SLC16A4: variants seen among roughly 807,000 people sequenced by gnomAD.
SLC16A4 encodes solute carrier family 16 member 4.
SLC16A4 carries 39 observed loss-of-function variants against 47.9 expected under a neutral mutation model. The observed-to-expected ratio is 0.81, with a 90% CI of 0.63 to 1.06. The LOEUF (loss-of-function observed/expected upper bound fraction) is 1.06, where lower values mean the gene tolerates loss of function less well. Among genes scored for constraint, SLC16A4 ranks in the 50% least tolerant of loss-of-function variants. The pLI, the probability that SLC16A4 is intolerant of heterozygous loss-of-function variation, is 0.00. For missense variants in SLC16A4, 524 were observed against 573.8 expected, an observed-to-expected ratio of 0.91 and a Z score of 0.89; for synonymous variants, 189 against 199.9, an observed-to-expected ratio of 0.95 and a Z score of 0.46.
intron 8 of SLC16A4, among the ~76,000 whole-genome samples, chr1:110,366,220 C>T (rs1661385500): frequency 2.0e-5 from 3 of 151,884 alleles, no homozygotes. Flanking sequence ...GTGAGTTGCG[C>T]AATCTCGGCT....
At chr1:110,385,955 A>G (rs1028691132) in intron 2 of SLC16A4, among the ~76,000 whole-genome samples, 13 of 152,326 alleles carry the variant, frequency 8.5e-5, no homozygotes, top group African/African-American at 3.1e-4. Context: ...TCAGTTCATA[A>G]TAATGTGATG....
At chr1:110,386,271 T>C (rs1662728625) in intron 2 of SLC16A4, among the ~76,000 whole-genome samples, 1 of 152,242 alleles carries the variant, frequency 6.6e-6, no homozygotes, top group South Asian at 2.1e-4. Context: ...TCCCGTCCCT[T>C]AACTTGAAGT....
chr1:110,377,866 G>A (rs959308526), intron 6 of SLC16A4, among the ~76,000 whole-genome samples: 3 of 152,126 alleles, frequency 2.0e-5, no homozygotes, highest in Non-Finnish European at 2.9e-5. Flanking sequence ...GTCACGCTCC[G>A]TCACCCAGGC....
chr1:110,365,956 C>A (rs1337807873), intron 8 of SLC16A4, among the ~76,000 whole-genome samples: 2 of 151,944 alleles, frequency 1.3e-5, no homozygotes, highest in African/African-American at 4.8e-5. Context: ...CTTTTCTTTT[C>A]TTTTTTTAAA....
At position 110,363,981 on chromosome 1, in the gene SLC16A4, T is replaced by G. The variant is rs1208210408; in HGVS notation, c.1337-88A>C. Reference sequence around the variant, plus strand: ...GAATAGCTCCTCAAAGCAAGGAGCCTCCTGTATTGTGACCCATTTGAACTT... The same window carrying G: ...GAATAGCTCCTCAAAGCAAGGAGCCGCCTGTATTGTGACCCATTTGAACTT... On this transcript the variant is annotated intron_variant, in intron 8 of 8. Transcript: ENST00000369779. 3 of 1,380,542 alleles carry G rather than the reference T, an allele frequency of 2.2e-6. No individual in the cohort carries two copies. The African/African-American group carries it at 4.4e-5, about 20-fold the overall frequency. 85.5% of individuals were successfully genotyped at this position (1,380,542 alleles called of 1,614,324 possible). A position where few individuals can be genotyped will look rare whatever the true frequency, so the allele number is the denominator to read the frequency against.
At chr1:110,389,572 A>T (rs928715507) in intron 1 of SLC16A4, among the ~76,000 whole-genome samples, 2 of 152,212 alleles carry the variant, frequency 1.3e-5, no homozygotes, top group Admixed American at 6.5e-5. Context: ...AGGAAGATAA[A>T]TTGTTCTACC....
rs140216001 is a variant in SLC16A4, at chr1:110,375,437, A to G, written c.1336+21T>C. The G allele has an allele frequency of 8.5e-5, 121 of 1,419,106 alleles. No individual in the cohort carries two copies. In the African/African-American group the frequency reaches 1.6e-3, roughly 18 times the overall value. The allele number at this position is 1,419,106 out of a possible 1,614,324, so 87.9% of individuals were successfully genotyped here. On this transcript the variant is annotated intron_variant, in intron 8 of 8. Transcript: ENST00000369779. ...CTTTTATTGCTATTGAAATTTGTTC[A>G]GAATGTGGTGAAGGTGTTACCTGCT...
At chr1:110,366,691 A>G (rs546510613) in intron 8 of SLC16A4, among the ~76,000 whole-genome samples, 1 of 152,330 alleles carries the variant, frequency 6.6e-6, no homozygotes, top group South Asian at 2.1e-4. Flanking sequence ...AGGTGTGTGT[A>G]GGTATACTGT....
chr1:110,381,633 A>G lies in SLC16A4; in HGVS notation c.364+19T>C, dbSNP rs770891010. 6.2e-7 allele frequency: 1 copy of G among 1,603,392 alleles called. No individual in the cohort carries two copies. Among genetic ancestry groups the G allele is most frequent in the East Asian group, 2.2e-5 (1 of 44,736 alleles). On this transcript the variant is annotated intron_variant, in intron 4 of 8. Coordinates refer to ENST00000369779, the MANE Select transcript of SLC16A4 (RefSeq NM_004696.3). ...ACCACTCCTGGCCTTCTATGGTCAC[A>G]TAATTACAATGGACTCACCGGGTAG...
At chr1:110,372,931 A>G (rs1661761041) in intron 8 of SLC16A4, 1 of 152,102 alleles carries the variant, frequency 6.6e-6, no homozygotes. Flanking sequence ...TTTATATCTC[A>G]TATTTTACAT....
At chr1:110,373,942 G>A (rs1381679204) in intron 8 of SLC16A4, among the ~76,000 whole-genome samples, 1 of 151,792 alleles carries the variant, frequency 6.6e-6, no homozygotes, top group Non-Finnish European at 1.5e-5. Context: ...CTCCCTAAGT[G>A]CTGGGATTAT....
chr1:110,388,111 T>G (rs1266266057), intron 2 of SLC16A4, among the ~76,000 whole-genome samples: 2 of 150,550 alleles, frequency 1.3e-5, no homozygotes, highest in African/African-American at 4.9e-5. Context: ...GAAAAGGGTG[T>G]TTTTTTTTGA....
intron 8 of SLC16A4, chr1:110,370,080 ACTC>A (rs1341504923): frequency 5.3e-5 from 8 of 151,906 alleles, no homozygotes; most frequent in African/African-American, 1.7e-4. Flanking sequence ...AAAGGGAAGA[ACTC>A]CTCTTCTTAA....
intron 5 of SLC16A4, among the ~76,000 whole-genome samples, chr1:110,380,234 T>C (rs1316866700): frequency 2.0e-5 from 3 of 152,082 alleles, no homozygotes; most frequent in Non-Finnish European, 2.9e-5. Context: ...CTTCTAAAGA[T>C]AGAATGGGCT....
intron 8 of SLC16A4, among the ~76,000 whole-genome samples, chr1:110,366,323 C>T (rs781020305): frequency 2.0e-5 from 3 of 151,870 alleles, no homozygotes; most frequent in Non-Finnish European, 4.4e-5. Flanking sequence ...ACACCCGGCT[C>T]ATTTTTTTGT....
At chr1:110,377,548 G>T (rs2101028869) in intron 6 of SLC16A4, among the ~76,000 whole-genome samples, 1 of 152,326 alleles carries the variant, frequency 6.6e-6, no homozygotes, top group South Asian at 2.1e-4. Context: ...AGACCTTCAG[G>T]TCAGTGTCTT....
intron 2 of SLC16A4, among the ~76,000 whole-genome samples, chr1:110,386,473 A>G (rs1662741394): frequency 6.6e-6 from 1 of 152,160 alleles, no homozygotes; most frequent in South Asian, 2.1e-4. Flanking sequence ...GCTCACTCCA[A>G]AATAAAGCAA....
chr1:110,388,567 C>T (rs1017828721), intron 2 of SLC16A4, among the ~76,000 whole-genome samples: 2 of 152,284 alleles, frequency 1.3e-5, no homozygotes, highest in South Asian at 2.1e-4. Flanking sequence ...TTTTTAGCAC[C>T]TCCCAGTGCT....
At chr1:110,364,914 A>G (rs1424236030) in intron 8 of SLC16A4, among the ~76,000 whole-genome samples, 2 of 149,146 alleles carry the variant, frequency 1.3e-5, no homozygotes, top group Non-Finnish European at 3.0e-5. Flanking sequence ...TTTTTTTTTT[A>G]ACTGAGTAGG....
Sources: allele counts gnomAD v4.1 joint callset (sites outside exome capture counted in the v4.1 genomes callset), GRCh38; gene constraint gnomAD v4.1.1; transcripts MANE v1.5; gene names NCBI Gene and HGNC (gene_info 2026-07-23, HGNC 2026-07-21).